Variants in VPS13C observed in about 807,000 individuals in gnomAD.
VPS13C encodes intermembrane lipid transfer protein VPS13C.
A neutral mutation model predicts 456.8 loss-of-function variants in VPS13C; 358 were observed. That is an observed-to-expected ratio of 0.78 (90% CI 0.72 to 0.86). The LOEUF (loss-of-function observed/expected upper bound fraction) is 0.86, where lower values mean the gene tolerates loss of function less well. Ranked by LOEUF, VPS13C falls within the 40% of genes least tolerant of loss-of-function variation. The probability of loss-of-function intolerance (pLI) is 0.00; values close to 1 mark genes in which losing one functional copy is unlikely to be tolerated. For synonymous variants in VPS13C, 1,578 were observed against 1,486.7 expected, an observed-to-expected ratio of 1.06 and a Z score of -1.41; for missense variants, 4,818 against 4,385.4, an observed-to-expected ratio of 1.10 and a Z score of -2.79.
chr15:61,919,498 G>A (rs759725555), intron 57 of VPS13C, 49 bp from the exon 58 acceptor site: 1 of 1,442,984 alleles, frequency 6.9e-7, no homozygotes, highest in Non-Finnish European at 9.1e-7. Context: ...ATTTGCCAAT[G>A]TTTCTCTATA....
chr15:61,872,403 A>G (rs1895099548), intron 78 of VPS13C, among the ~76,000 whole-genome samples: 1 of 152,136 alleles, frequency 6.6e-6, no homozygotes, highest in African/African-American at 2.4e-5. Context: ...AATATTTACT[A>G]TCTAATTATA....
chr15:61,981,418 G>T lies in VPS13C; in HGVS notation c.2090C>A (p.Ser697Tyr). ...ACCCGTCTGTGGAACTACTAGATAA[G>T]AAGGCTTCAGATTTATCCTTAAATC... The part of the protein sequence containing the change: ...VLDLRINLKP[S>Y]YLVVPQTGFH... The change falls in exon 22 of 85, where the codon TCT (serine) becomes TAT (tyrosine). Residue 697 changes from serine to tyrosine, a missense_variant. By Grantham distance (144) the Ser-to-Tyr change is moderately radical. Coordinates refer to ENST00000644861, the MANE Select transcript of VPS13C (RefSeq NM_020821.3). The T allele has an allele frequency of 6.2e-7, 1 of 1,612,730 alleles. No individual in the cohort carries two copies.
At chr15:61,913,819 T>C (rs562777763) in intron 61 of VPS13C, among the ~76,000 whole-genome samples, 12 of 152,284 alleles carry the variant, frequency 7.9e-5, no homozygotes, top group African/African-American at 2.9e-4. Flanking sequence ...CAGCAGACAC[T>C]ACATTAAAGA....
rs761625223 is a variant in VPS13C, at chr15:61,917,346, G to C, written c.8050C>G (p.Leu2684Val). The change falls in exon 60 of 85, where the codon CTT (leucine) becomes GTT (valine). Residue 2684 changes from leucine to valine, a missense_variant. Coordinates refer to ENST00000644861, the MANE Select transcript of VPS13C (RefSeq NM_020821.3). ...ACAAAATGCAAGAGACATACCTCAA[G>C]TAAATATCTTAGGGAATATGGGAGA... ...NLLPYSLRYL[L>V]EGTAETHELA... 2 of 1,611,486 alleles carry C rather than the reference G, an allele frequency of 1.2e-6. No homozygotes were observed. The highest frequency in any genetic ancestry group is 3.3e-5 in the Admixed American group (2 of 59,942).
chr15:61,977,144 T>A lies in VPS13C; in HGVS notation c.2346A>T (p.Gln782His). The A allele has an allele frequency of 6.3e-7, 1 of 1,598,814 alleles. No individual in the cohort carries two copies. The highest frequency in any genetic ancestry group is 2.3e-5 in the East Asian group (1 of 43,702). Residue 782 changes from glutamine (Q) to histidine (H), a missense_variant, in exon 24 of 85, where the codon CAA becomes CAT. By Grantham distance (24) the Gln-to-His change is conservative. This residue lies in a region of VPS13C where 4,552 missense variants were observed against 4,130.6 expected (regional missense o/e 1.10). Transcript: ENST00000644861. The stretch of plus-strand genomic sequence containing the variant: ...CCAACTCAACATGAATATCCATGGG[T>A]TGCAATATATGCATAGTTGATGGAT... Reference protein sequence around the residue: ...FQHPSTMHILQPMDIHVELAK... With the variant: ...FQHPSTMHILHPMDIHVELAK...
At chr15:62,020,858 A>AT (rs1323232301) in intron 8 of VPS13C, among the ~76,000 whole-genome samples, 7 of 152,054 alleles carry the variant, frequency 4.6e-5, no homozygotes, top group East Asian at 1.9e-4. Flanking sequence ...ATAATCAAAG[A>AT]TTTTTTCACA....
At chr15:61,881,654 TAAAA>T in intron 70 of VPS13C, 22 bp from the exon 71 acceptor site, 3 of 1,595,142 alleles carry the variant, frequency 1.9e-6, no homozygotes, top group Non-Finnish European at 2.6e-6. Context: ...AAGTAACACA[TAAAA>T]AAAAATAATG....
In VPS13C at chr15:62,012,167, A is replaced by C. The variant is rs762267553; in HGVS notation, c.826-3T>G. The C allele has an allele frequency of 2.6e-6, 4 of 1,538,942 alleles. No homozygotes were observed. Among genetic ancestry groups the C allele is most frequent in the Non-Finnish European group, 1.8e-6 (2 of 1,116,342 alleles). On this transcript the variant is annotated splice_region_variant and splice_polypyrimidine_tract_variant and intron_variant, in intron 11 of 84. Coordinates refer to ENST00000644861, the MANE Select transcript of VPS13C (RefSeq NM_020821.3). ...AGAATTTCATTTTTCAGCTGATCCT[A>C]AACAAAAAATTTGAATGAGAATGAA...
chr15:61,938,825 T>G (rs1027700790), intron 47 of VPS13C, among the ~76,000 whole-genome samples: 3 of 152,174 alleles, frequency 2.0e-5, no homozygotes, highest in Admixed American at 6.5e-5. Context: ...CCCTATTCCC[T>G]TCTCCTTTCG....
chr15:61,975,370 C>A (rs1216023869), intron 24 of VPS13C, among the ~76,000 whole-genome samples: 1 of 152,006 alleles, frequency 6.6e-6, no homozygotes, highest in Non-Finnish European at 1.5e-5. Context: ...AATTGATAAA[C>A]CTCTGATCAC....
chr15:62,011,595 A>G (rs1216659439), intron 12 of VPS13C, among the ~76,000 whole-genome samples: 1 of 152,032 alleles, frequency 6.6e-6, no homozygotes, highest in Non-Finnish European at 1.5e-5. Flanking sequence ...ACTGAAATAA[A>G]GAAAACAGAT....
At chr15:61,999,150 G>A (rs1315232986) in intron 16 of VPS13C, among the ~76,000 whole-genome samples, 3 of 152,196 alleles carry the variant, frequency 2.0e-5, no homozygotes, top group South Asian at 2.1e-4. Context: ...AGGCCAAGGC[G>A]GGTGGATCAC....
chr15:62,014,861 C>A (rs577382020), intron 9 of VPS13C, among the ~76,000 whole-genome samples: 5 of 151,796 alleles, frequency 3.3e-5, no homozygotes, highest in Non-Finnish European at 7.4e-5. Flanking sequence ...ATGGTAAATT[C>A]TAAGAAGGAA....
intron 15 of VPS13C, among the ~76,000 whole-genome samples, chr15:62,003,000 C>T (rs373178005): frequency 2.5e-3 from 382 of 152,138 alleles, no homozygotes; most frequent in Non-Finnish European, 3.7e-3. Context: ...CTTGGCAATG[C>T]GGGCTCTTTT....
intron 82 of VPS13C, among the ~76,000 whole-genome samples, chr15:61,859,113 G>A (rs1459575976): frequency 1.3e-5 from 2 of 152,202 alleles, no homozygotes; most frequent in Non-Finnish European, 1.5e-5. Flanking sequence ...GCTCATGCCT[G>A]TAATCCCAGC....
In VPS13C at chr15:61,924,512, G is replaced by GT. The variant is rs539417157; in HGVS notation, c.6609+943dup. Reference sequence around the variant, plus strand: ...TAATACACAGTAAAAGCTCAAAAACGTTTTTTGAATCAATCATAAATTTAT... The same window carrying GT: ...TAATACACAGTAAAAGCTCAAAAACGTTTTTTTGAATCAATCATAAATTTAT... On this transcript the variant is annotated intron_variant, in intron 53 of 84. Coordinates refer to ENST00000644861, the MANE Select transcript of VPS13C (RefSeq NM_020821.3). 1.9e-3 allele frequency among the ~76,000 whole-genome samples: 294 copies of GT among 152,252 alleles called. 2 individuals carry two copies. The highest frequency in any genetic ancestry group is 3.2e-3 in the Non-Finnish European group (215 of 68,018).
intron 66 of VPS13C, among the ~76,000 whole-genome samples, chr15:61,891,058 G>A (rs1257305827): frequency 6.6e-6 from 1 of 152,060 alleles, no homozygotes; most frequent in African/African-American, 2.4e-5. Context: ...AAAAAAGAAA[G>A]AAAGAAATGT....
chr15:61,962,706 T>C, intron 33 of VPS13C, 43 bp downstream of exon 33: 1 of 1,424,772 alleles, frequency 7.0e-7, no homozygotes, highest in Admixed American at 1.9e-5. Context: ...AAGCTCATAT[T>C]CAGTCATTAA....
Position 61,981,469 on chromosome 15 carries a change from T to C in VPS13C, c.2039A>G (p.His680Arg). The C allele has an allele frequency of 1.2e-6, 2 of 1,602,726 alleles. No individual in the cohort carries two copies. The highest frequency in any genetic ancestry group is 2.2e-5 in the East Asian group (1 of 44,560). ...AAGGACTTTTCGAGTTTCAATAATATGTGTAAGTCCTAAAGACGTAAGAAA... is the reference window on the plus strand; with the variant it reads ...AAGGACTTTTCGAGTTTCAATAATACGTGTAAGTCCTAAAGACGTAAGAAA... Reference protein sequence around the residue: ...IKERTATGLTHIIETRKVLDL... With the variant: ...IKERTATGLTRIIETRKVLDL... The change falls in exon 22 of 85, where the codon CAT becomes CGT. Residue 680 changes from histidine to arginine, a missense_variant. Coordinates refer to ENST00000644861, the MANE Select transcript of VPS13C (RefSeq NM_020821.3).
Sources: gnomAD v4.1 joint callset for allele counts (sites outside exome capture counted in the v4.1 genomes callset) on GRCh38, gnomAD v4.1.1 for gene constraint, gnomAD v4.1.1 regional missense constraint, MANE v1.5 for transcripts, NCBI Gene and HGNC (gene_info 2026-07-23, HGNC 2026-07-21) for gene names.